Variants in RAB20 observed in about 807,000 individuals in gnomAD.
RAB20 encodes RAB20, member RAS oncogene family, also known as ras-related protein Rab-20.
A neutral mutation model predicts 3.7 loss-of-function variants in RAB20; 2 were observed. The observed-to-expected ratio is 0.54, with a 90% CI of 0.22 to 1.69. The LOEUF (loss-of-function observed/expected upper bound fraction) is 1.69, where lower values mean the gene tolerates loss of function less well. Ranked by LOEUF, RAB20 falls within the 40% of genes most tolerant of loss-of-function variation. RAB20 has a pLI of 0.19. For synonymous variants in RAB20, 126 were observed against 130.8 expected (o/e 0.96, Z 0.25); for missense variants, 276 against 311.9 (o/e 0.88, Z 0.87).
chr13:110,543,566 T>C (rs570062353), intron 1 of RAB20, among the ~76,000 whole-genome samples: 1 of 152,328 alleles, frequency 6.6e-6, no homozygotes, highest in South Asian at 2.1e-4. Flanking sequence ...TCTCTCTTTA[T>C]TCTGTTGGTT....
intron 1 of RAB20, among the ~76,000 whole-genome samples, chr13:110,557,256 A>G (rs1040700373): frequency 1.3e-5 from 2 of 152,200 alleles, no homozygotes; most frequent in African/African-American, 4.8e-5. Flanking sequence ...TGTGTGATGA[A>G]GTTGGATATG....
intron 1 of RAB20, among the ~76,000 whole-genome samples, chr13:110,556,392 A>T (rs1440978449): frequency 6.6e-6 from 1 of 152,318 alleles, no homozygotes; most frequent in South Asian, 2.1e-4. Flanking sequence ...AGAAGCTAGG[A>T]AAGTCTAAGA....
At chr13:110,552,184 G>A (rs1288147885) in intron 1 of RAB20, among the ~76,000 whole-genome samples, 2 of 151,326 alleles carry the variant, frequency 1.3e-5, no homozygotes, top group Non-Finnish European at 2.9e-5. Context: ...TTCAAGACTC[G>A]CCTGACCAAC....
chr13:110,548,968 C>T (rs1006891758), intron 1 of RAB20, among the ~76,000 whole-genome samples: 4 of 152,210 alleles, frequency 2.6e-5, no homozygotes, highest in African/African-American at 9.7e-5. Context: ...AGGGCTGGGT[C>T]CCTACAGAAC....
chr13:110,532,430 G>A (rs1884557734), intron 1 of RAB20, among the ~76,000 whole-genome samples: 2 of 152,086 alleles, frequency 1.3e-5, no homozygotes, highest in African/African-American at 2.4e-5. Flanking sequence ...AGGCTGGAGT[G>A]CAGTGATGCA....
intron 1 of RAB20, among the ~76,000 whole-genome samples, chr13:110,559,714 G>A (rs576337685): frequency 3.3e-5 from 5 of 152,338 alleles, no homozygotes; most frequent in Admixed American, 2.6e-4. Flanking sequence ...CATCTGGGGC[G>A]TCACATCAGC....
chr13:110,552,353 T>G, intron 1 of RAB20, among the ~76,000 whole-genome samples: 1 of 143,614 alleles, frequency 7.0e-6, no homozygotes, highest in South Asian at 2.2e-4. Flanking sequence ...CACTCCAGCC[T>G]GGGCAACAGA....
chr13:110,536,328 T>A (rs1884638221), intron 1 of RAB20, among the ~76,000 whole-genome samples: 1 of 152,172 alleles, frequency 6.6e-6, no homozygotes, highest in African/African-American at 2.4e-5. Flanking sequence ...TTGTGGAACT[T>A]GGTGACTCAG....
chr13:110,560,752 C>T (rs1323799160), intron 1 of RAB20, among the ~76,000 whole-genome samples: 5 of 146,574 alleles, frequency 3.4e-5, no homozygotes, highest in African/African-American at 1.4e-4. Context: ...CTTAAAAATG[C>T]TTCCACCGGA....
intron 1 of RAB20, among the ~76,000 whole-genome samples, chr13:110,542,666 T>C (rs992404672): frequency 2.0e-4 from 31 of 152,222 alleles, no homozygotes; most frequent in Non-Finnish European, 4.0e-4. Context: ...TTTTCCAAGC[T>C]TGGATAATAC....
intron 1 of RAB20, among the ~76,000 whole-genome samples, chr13:110,547,159 G>C (rs1187961833): frequency 6.6e-6 from 1 of 152,186 alleles, no homozygotes; most frequent in Non-Finnish European, 1.5e-5. Flanking sequence ...CCAAATCACA[G>C]CGGTCTACAC....
At chr13:110,550,062 C>G (rs1417862035) in intron 1 of RAB20, among the ~76,000 whole-genome samples, 2 of 152,158 alleles carry the variant, frequency 1.3e-5, no homozygotes, top group East Asian at 3.9e-4. Context: ...ATGCCTCAAC[C>G]ACAGACAACC....
chr13:110,541,105 G>A (rs1351395876), intron 1 of RAB20, among the ~76,000 whole-genome samples: 3 of 152,178 alleles, frequency 2.0e-5, no homozygotes, highest in African/African-American at 7.2e-5. Context: ...AACCCAAGGT[G>A]AGAGCCGACC....
At chr13:110,526,298 G>A (rs1445861833) in intron 1 of RAB20, among the ~76,000 whole-genome samples, 4 of 152,254 alleles carry the variant, frequency 2.6e-5, no homozygotes, top group African/African-American at 9.6e-5. Context: ...GGCACCCAGG[G>A]AGTGTCCAGG....
chr13:110,526,782 G>A (rs149403779), intron 1 of RAB20, among the ~76,000 whole-genome samples: 1 of 152,202 alleles, frequency 6.6e-6, no homozygotes, highest in African/African-American at 2.4e-5. Flanking sequence ...ACACTCCAGC[G>A]TGATGCCCAC....
intron 1 of RAB20, among the ~76,000 whole-genome samples, chr13:110,536,285 G>A (rs537544512): frequency 7.9e-5 from 12 of 152,282 alleles, no homozygotes; most frequent in African/African-American, 2.9e-4. Flanking sequence ...GATGGGGAGA[G>A]GATGAGCTTC....
chr13:110,540,916 G>C, intron 1 of RAB20, among the ~76,000 whole-genome samples: 1 of 152,164 alleles, frequency 6.6e-6, no homozygotes, highest in South Asian at 2.1e-4. Flanking sequence ...CTCACGGCTG[G>C]TCTCTGCTGG....
At chr13:110,551,693 G>T (rs1884954011) in intron 1 of RAB20, among the ~76,000 whole-genome samples, 1 of 152,152 alleles carries the variant, frequency 6.6e-6, no homozygotes, top group African/African-American at 2.4e-5. Context: ...GTGTGTGTTT[G>T]TACGTGTGTG....
chr13:110,558,211 T>A (rs1279535584), intron 1 of RAB20, among the ~76,000 whole-genome samples: 2 of 152,198 alleles, frequency 1.3e-5, no homozygotes, highest in East Asian at 3.9e-4. Flanking sequence ...AACCTCCTTT[T>A]GCTTCCTGGA....
Sources: allele counts gnomAD v4.1 joint callset (sites outside exome capture counted in the v4.1 genomes callset), GRCh38; gene constraint gnomAD v4.1.1; transcripts MANE v1.5; gene names NCBI Gene and HGNC (gene_info 2026-07-23, HGNC 2026-07-21).